Variants in RAI14 observed in about 807,000 individuals in gnomAD.
RAI14 encodes ankycorbin.
A neutral mutation model predicts 115.4 loss-of-function variants in RAI14; 45 were observed. The ratio of observed to expected loss-of-function variants is 0.39; its 90% CI spans 0.31 to 0.50. The LOEUF (loss-of-function observed/expected upper bound fraction) is 0.50. RAI14 is among the 20% of genes least tolerant of loss of function. The pLI is 0.85. For synonymous variants in RAI14, 371 were observed against 415.4 expected, an observed-to-expected ratio of 0.89 and a Z score of 1.30; for missense variants, 939 against 1,131.2, an observed-to-expected ratio of 0.83 and a Z score of 2.44.
intron 4 of RAI14, among the ~76,000 whole-genome samples, chr5:34,803,360 C>T (rs1000789914): frequency 6.6e-6 from 1 of 152,160 alleles, no homozygotes; most frequent in African/African-American, 2.4e-5. Context: ...TCAGCTTGCG[C>T]AACGTGGCGA....
Position 34,791,655 on chromosome 5 carries a change from A to T in RAI14, c.168-4284A>T, listed in dbSNP as rs545176456. ...GGAACAGGTAGCATCAAATAGGATA[A>T]TTGATGAGAGCTTAAGAAAGGAACT... is the stretch of plus-strand genomic sequence containing the variant. On this transcript the variant is annotated intron_variant, in intron 3 of 17. Transcript: ENST00000265109. This position sits in a 1 kb window ranked among gnomAD's most constrained non-coding sequence, Gnocchi z 5.4. Among the ~76,000 whole-genome samples, 47 of 152,312 alleles carry T rather than the reference A, an allele frequency of 3.1e-4. No homozygotes were observed. The highest frequency in any genetic ancestry group is 5.7e-4 in the Non-Finnish European group (39 of 68,028).
intron 15 of RAI14, among the ~76,000 whole-genome samples, 196 bp downstream of exon 15, chr5:34,824,687 T>C (rs1050806397): frequency 2.6e-5 from 4 of 152,192 alleles, no homozygotes; most frequent in African/African-American, 7.2e-5. Flanking sequence ...CTCACGCTTA[T>C]AATCCCAGCA....
intron 2 of RAI14, among the ~76,000 whole-genome samples, chr5:34,745,840 C>G (rs1746111500): frequency 6.6e-6 from 1 of 152,138 alleles, no homozygotes; most frequent in Admixed American, 6.5e-5. Flanking sequence ...ATGTGTAGGG[C>G]TTCTTGGCCC....
chr5:34,795,826 C>T, intron 3 of RAI14, 113 bp from the exon 4 acceptor site: 1 of 744,452 alleles, frequency 1.3e-6, no homozygotes, highest in Non-Finnish European at 2.2e-6. Context: ...GCTTGTAGAG[C>T]TCAAGGAAGA....
At chr5:34,746,863 G>T (rs1746304629) in intron 2 of RAI14, among the ~76,000 whole-genome samples, 1 of 152,150 alleles carries the variant, frequency 6.6e-6, no homozygotes, top group South Asian at 2.1e-4. Flanking sequence ...CCCAGGGGAA[G>T]GTAATTGAAT....
intron 3 of RAI14, among the ~76,000 whole-genome samples, chr5:34,795,364 A>T (rs969963900): frequency 1.3e-5 from 2 of 152,212 alleles, no homozygotes; most frequent in African/African-American, 4.8e-5. Context: ...AATGAAAAAC[A>T]ATGCATAAAA....
At chr5:34,676,294 C>G (rs888464078) in intron 1 of RAI14, among the ~76,000 whole-genome samples, 1 of 152,138 alleles carries the variant, frequency 6.6e-6, no homozygotes, top group Non-Finnish European at 1.5e-5. Context: ...GGTGGTTTTT[C>G]TCTTCAGAGG....
At chr5:34,725,079 A>G (rs1271190635) in intron 2 of RAI14, among the ~76,000 whole-genome samples, 1 of 152,144 alleles carries the variant, frequency 6.6e-6, no homozygotes, top group Non-Finnish European at 1.5e-5. Flanking sequence ...TTATGATTTA[A>G]ATTAATCTCT....
chr5:34,670,767 G>A (rs1743556718), intron 1 of RAI14, among the ~76,000 whole-genome samples: 1 of 152,178 alleles, frequency 6.6e-6, no homozygotes, highest in African/African-American at 2.4e-5. Context: ...ATGTAAAGAT[G>A]TAGTTCTTTT....
intron 2 of RAI14, among the ~76,000 whole-genome samples, chr5:34,743,503 C>A (rs56142210): frequency 0.15 from 22,157 of 152,084 alleles, 1,741 homozygotes; most frequent in South Asian, 0.2. Flanking sequence ...CTGTAAAGAC[C>A]CTATTTCCAA....
chr5:34,703,217 A>G (rs1216171217), intron 2 of RAI14, among the ~76,000 whole-genome samples: 1 of 151,400 alleles, frequency 6.6e-6, no homozygotes, highest in African/African-American at 2.5e-5. Context: ...AAAATTGTAC[A>G]TTACATTATA....
chr5:34,757,185 T>C (rs1747999532), intron 2 of RAI14: 1 of 471,012 alleles, frequency 2.1e-6, no homozygotes, highest in African/African-American at 2.0e-5. Flanking sequence ...GAGGTCTTTT[T>C]ACGTTGCTTC....
At chr5:34,814,153 A>G (rs891499157) in intron 11 of RAI14, among the ~76,000 whole-genome samples, 3 of 152,218 alleles carry the variant, frequency 2.0e-5, no homozygotes, top group Non-Finnish European at 2.9e-5. Context: ...TGACGGTTGC[A>G]TAGAGGAGGA....
chr5:34,733,403 TTGAACTGCTCAAGTTAA>T (rs1444545590), intron 2 of RAI14: 4 of 152,234 alleles, frequency 2.6e-5, no homozygotes, highest in Non-Finnish European at 5.9e-5. Flanking sequence ...AATTGATTTA[TTGAACTGCTCAAGTTAA>T]TGAGGTGTAC....
intron 15 of RAI14, chr5:34,826,126 G>T (rs962120463): frequency 1.5e-5 from 6 of 396,804 alleles, no homozygotes; most frequent in African/African-American, 8.2e-5. Context: ...CCTAATGGAT[G>T]TAGCGGGCTT....
chr5:34,767,691 T>C (rs912995327), intron 3 of RAI14, among the ~76,000 whole-genome samples: 2 of 150,124 alleles, frequency 1.3e-5, no homozygotes, highest in African/African-American at 4.9e-5. Flanking sequence ...TGAAGCCATT[T>C]CTAAAATTTC....
At position 34,811,118 on chromosome 5, in the gene RAI14, G is replaced by A; in HGVS notation, c.557G>A (p.Arg186Lys). 6.2e-7 allele frequency: 1 copy of A among 1,613,798 alleles called. No homozygotes were observed. Among genetic ancestry groups the A allele is most frequent in the Non-Finnish European group, 8.5e-7 (1 of 1,179,934 alleles). Residue 186 changes from arginine to lysine, a missense_variant and splice_region_variant, in exon 8 of 18, where the codon AGA becomes AAA. Physicochemically the swap from Arg to Lys is conservative, Grantham distance 26 (BLOSUM62 2). Transcript: ENST00000265109. ...ADVNSRNKSG[R>K]TALMLACEIG... ...GTCAATTCCAGGAACAAAAGTGGAA[G>A]GTACTCCAGAATTAGGCAGAAATCA... is the stretch of plus-strand genomic sequence containing the variant.
In RAI14 at chr5:34,811,934, C is replaced by G. The variant is rs146700717; in HGVS notation, c.725C>G (p.Ser242Cys). 2.2e-3 allele frequency: 3,462 copies of G among 1,608,954 alleles called. 20 individuals are homozygous for G. The highest frequency in any genetic ancestry group is 1.5e-3 in the Non-Finnish European group (1,714 of 1,178,046). Residue 242 changes from serine (S) to cysteine (C), a missense_variant, in exon 9 of 18, where the codon TCT becomes TGT. Ser to Cys is a moderately radical substitution (Grantham distance 112, BLOSUM62 -1). Transcript: ENST00000265109. ...GIQSLLLSKI[S>C]QDADLKTPTK... Reference sequence around the variant, plus strand: ...CAAAGCCTTCTATTATCAAAAATCTCTCAGGATGCTGGTATGTAAAAGAAA... The same window carrying G: ...CAAAGCCTTCTATTATCAAAAATCTGTCAGGATGCTGGTATGTAAAAGAAA...
intron 13 of RAI14, among the ~76,000 whole-genome samples, chr5:34,819,348 T>C (rs1264573249): frequency 1.3e-5 from 2 of 152,256 alleles, no homozygotes; most frequent in Non-Finnish European, 2.9e-5. Context: ...AAAAATATCA[T>C]GTTCAGATGA....
Sources: allele counts gnomAD v4.1 joint callset (sites outside exome capture counted in the v4.1 genomes callset), GRCh38; gene constraint gnomAD v4.1.1; non-coding constraint Gnocchi (gnomAD v3.1); transcripts MANE v1.5; gene names NCBI Gene and HGNC (gene_info 2026-07-23, HGNC 2026-07-21).